PEG3: variants seen among roughly 807,000 people sequenced by gnomAD.
PEG3 encodes the protein paternally-expressed gene 3 protein.
PEG3 carries 23 observed loss-of-function variants against 35.5 expected under a neutral mutation model. The observed-to-expected ratio is 0.65, with a 90% CI of 0.47 to 0.92. PEG3 has a LOEUF of 0.92. Among genes scored for constraint, PEG3 ranks in the 40% least tolerant of loss-of-function variants. PEG3 has a pLI of 0.00. For missense variants in PEG3, 1,960 were observed against 1,985.3 expected (o/e 0.99, Z 0.24); for synonymous variants, 707 against 697.0 (o/e 1.01, Z -0.23).
At position 56,811,929 on chromosome 19, in the gene PEG3, C is replaced by T. The variant is rs2059566663; in HGVS notation, c.*1746G>A. The T allele has an allele frequency of 4.1e-6, 4 of 985,278 alleles. No homozygotes were observed. Among genetic ancestry groups the T allele is most frequent in the Non-Finnish European group, 4.8e-6 (4 of 829,824 alleles). The allele number at this position is 985,278 out of a possible 1,614,324, so 61.0% of individuals were successfully genotyped here. ...GATATATTAGGACTCCCTTCTTTGA[C>T]TCACTCATTTCTGCTTCTTGCTCTC... On this transcript the variant is annotated 3_prime_UTR_variant, in exon 10 of 10. Transcript: ENST00000326441.
Position 56,815,548 on chromosome 19 carries a change from C to T in PEG3, c.2894G>A (p.Arg965Gln), listed in dbSNP as rs765309826. 7.4e-6 allele frequency: 12 copies of T among 1,613,992 alleles called. No individual in the cohort carries two copies. Among genetic ancestry groups the T allele is most frequent in the African/African-American group, 1.3e-5 (1 of 75,012 alleles). ...LPFGEQTFRP[R>Q]GMLYECQECG... Reference sequence around the variant, plus strand: ...CTCCTGACATTCATAGAGCATCCCTCGAGGGCGAAATGTTTGTTCACCAAA... The same window carrying T: ...CTCCTGACATTCATAGAGCATCCCTTGAGGGCGAAATGTTTGTTCACCAAA... Residue 965 changes from arginine (R) to glutamine (Q), a missense_variant, in exon 10 of 10, where the codon CGA becomes CAA. By Grantham distance (43) the Arg-to-Gln change is conservative (BLOSUM62 1). This residue lies in a region of PEG3 where 798 missense variants were observed against 782.4 expected (regional missense o/e 1.02). Transcript: ENST00000326441.
At position 56,811,910 on chromosome 19, in the gene PEG3, TTAGGA is replaced by T; in HGVS notation, c.*1760_*1764del. On this transcript the variant is annotated 3_prime_UTR_variant, in exon 10 of 10. Transcript: ENST00000326441. ...CTCCCCTCCTAGATCTGGTGATATA[TTAGGA>T]CTCCCTTCTTTGACTCACTCATTTC... 2 of 985,224 alleles carry T rather than the reference TTAGGA, an allele frequency of 2.0e-6. No homozygotes were observed. The highest frequency in any genetic ancestry group is 2.4e-6 in the Non-Finnish European group (2 of 829,760). 61.0% of individuals were successfully genotyped at this position (985,224 alleles called of 1,614,324 possible).
rs200041700 is a variant in PEG3 at position 56,815,676 on chromosome 19, G to T, written c.2766C>A (p.Phe922Leu). The stretch of plus-strand genomic sequence containing the variant: ...CACGGACATTTGAGCTGGGAACAGA[G>T]AATTCGCCATCCTTCTTAAACTCAC... Reference protein sequence around the residue: ...GSGEFKKDGEFSVPSSNVREY... With the variant: ...GSGEFKKDGELSVPSSNVREY... Residue 922 changes from phenylalanine (F) to leucine (L), a missense_variant, in exon 10 of 10, where the codon TTC becomes TTA. By Grantham distance (22) the Phe-to-Leu change is conservative (BLOSUM62 0). Around this residue, in one of 5 missense-constraint regions of PEG3, gnomAD observed 798 missense variants for 782.4 expected, o/e 1.02. Transcript: ENST00000326441. 6.2e-7 allele frequency: 1 copy of T among 1,614,164 alleles called. No homozygotes were observed.
Position 56,817,545 on chromosome 19 carries a change from G to T in PEG3, c.897C>A (p.Thr299=). The change falls in exon 10 of 10, where the codon ACC becomes ACA. Residue 299 remains threonine, a synonymous_variant. Transcript: ENST00000326441. ...CATCTTCACAAATCCCCCGCCGGTG[G>T]GTTGATTTTTTGGCTTCAGGCATAG... ...LKTMPEAKKS[T]HRRGICEDES... The T allele has an allele frequency of 6.3e-7, 1 of 1,597,528 alleles. No individual in the cohort carries two copies.
At chr19:56,823,147 G>C (rs975214864) in intron 5 of PEG3, among the ~76,000 whole-genome samples, 3 of 152,126 alleles carry the variant, frequency 2.0e-5, no homozygotes, top group Non-Finnish European at 4.4e-5. Flanking sequence ...TCCACATTCA[G>C]GAGAATGGAC....
intron 3 of PEG3, among the ~76,000 whole-genome samples, chr19:56,825,608 A>G (rs2060947109): frequency 6.6e-6 from 1 of 152,108 alleles, no homozygotes; most frequent in African/African-American, 2.4e-5. Context: ...ATTTCCTTAA[A>G]GCATTTTTGC....
rs770287827 is a variant in PEG3, at chr19:56,814,816, C to T, written c.3626G>A (p.Arg1209Gln). The T allele has an allele frequency of 1.6e-5, 26 of 1,614,150 alleles. No homozygotes were observed. Among genetic ancestry groups the T allele is most frequent in the East Asian group, 2.2e-5 (1 of 44,872 alleles). Residue 1209 changes from arginine (R) to glutamine (Q), a missense_variant, in exon 10 of 10, where the codon CGG becomes CAG. Physicochemically the swap from Arg to Gln is conservative, Grantham distance 43 (BLOSUM62 1). Coordinates refer to ENST00000326441, the MANE Select transcript of PEG3 (RefSeq NM_006210.3). This position sits in a 1 kb window ranked among gnomAD's most constrained non-coding sequence, Gnocchi z 5.8. ...ATTCCTCTCTGCAGCACGATTCCTCCGTGGCTTCATGGGCAAGAGGGCAAT... is the reference window on the plus strand; with the variant it reads ...ATTCCTCTCTGCAGCACGATTCCTCTGTGGCTTCATGGGCAAGAGGGCAAT... ...GFIALLPMKPRRNRAAERNPA... is the reference protein window; with the variant it reads ...GFIALLPMKPQRNRAAERNPA...
chr19:56,818,595 C>T lies in PEG3; in HGVS notation c.772+5G>A. On this transcript the variant is annotated splice_donor_5th_base_variant and intron_variant, in intron 8 of 9. Coordinates refer to ENST00000326441, the MANE Select transcript of PEG3 (RefSeq NM_006210.3). Reference sequence around the variant, plus strand: ...TGGGAGTGACTGAGAGAAGCAGCTGCTTACCGAGGGAGAGCAGCTTCCTGT... The same window carrying T: ...TGGGAGTGACTGAGAGAAGCAGCTGTTTACCGAGGGAGAGCAGCTTCCTGT... 1.2e-6 allele frequency: 2 copies of T among 1,614,096 alleles called. No individual in the cohort carries two copies. The highest frequency in any genetic ancestry group is 2.2e-5 in the East Asian group (1 of 44,874).
At position 56,821,744 on chromosome 19, in the gene PEG3, C is replaced by A. The variant is rs550751491; in HGVS notation, c.576G>T (p.Pro192=). 1 of 1,613,910 alleles carries A rather than the reference C, an allele frequency of 6.2e-7. No homozygotes were observed. Among genetic ancestry groups the A allele is most frequent in the Non-Finnish European group, 8.5e-7 (1 of 1,180,020 alleles). ...HTRNPRSRMP[P]RDLSLPVVAK... ...CCACCACAGGAAGGGAAAGATCCCGCGGAGGCATCCCTGGGAAGAAAAAAG... is the reference window on the plus strand; with the variant it reads ...CCACCACAGGAAGGGAAAGATCCCGAGGAGGCATCCCTGGGAAGAAAAAAG... The change falls in exon 7 of 10, where the codon CCG becomes CCT. Residue 192 remains proline, a synonymous_variant. Transcript: ENST00000326441.
rs2060792824 is a variant in PEG3, at chr19:56,824,205, G to GGACACCTGAGGACA, written c.394+56_394+57insTGTCCTCAGGTGTC. The GGACACCTGAGGACA allele has an allele frequency of 2.4e-5, 37 of 1,573,476 alleles. No individual in the cohort carries two copies. The South Asian group carries it at 4.0e-4, about 17-fold the overall frequency. ...CATGTCAGAAGTGTGGAGGCTGAGAGCCCCAGGGGACACCTGAGGCCTGCA... is the reference window on the plus strand; with the variant it reads ...CATGTCAGAAGTGTGGAGGCTGAGAGGACACCTGAGGACACCCCAGGGGACACCTGAGGCCTGCA... On this transcript the variant is annotated intron_variant, in intron 4 of 9. Transcript: ENST00000326441.
At chr19:56,818,130 T>C (rs1419629514) in intron 8 of PEG3, among the ~76,000 whole-genome samples, 2 of 152,164 alleles carry the variant, frequency 1.3e-5, no homozygotes, top group African/African-American at 4.8e-5. Context: ...ACTTTTTAAG[T>C]CCTCTTTTCC....
intron 8 of PEG3, 94 bp downstream of exon 8, chr19:56,818,506 T>C: frequency 7.9e-7 from 1 of 1,270,470 alleles, no homozygotes; most frequent in Non-Finnish European, 1.1e-6. Context: ...CCAAATATAT[T>C]AATGTGGACT....
At chr19:56,824,825 A>T in intron 3 of PEG3, 84 bp from the exon 4 acceptor site, 2 of 628,340 alleles carry the variant, frequency 3.2e-6, no homozygotes, top group South Asian at 4.3e-5. Flanking sequence ...AGGCATCGAC[A>T]ATGCTTTTGG....
In PEG3 at chr19:56,816,175, G is replaced by C; in HGVS notation, c.2267C>G (p.Pro756Arg). The change falls in exon 10 of 10, where the codon CCC becomes CGC. Residue 756 changes from proline to arginine, a missense_variant. Around this residue, in one of 5 missense-constraint regions of PEG3, gnomAD observed 798 missense variants for 782.4 expected, o/e 1.02. Transcript: ENST00000326441. The part of the protein sequence containing the change: ...DEKAFTISSN[P>R]YENQKIPTKE... ...AGTGGGAATCTTCTGGTTTTCATAG[G>C]GGTTAGAGCTAATGGTGAACGCCTT... 7 of 1,613,974 alleles carry C rather than the reference G, an allele frequency of 4.3e-6. No homozygotes were observed. Among genetic ancestry groups the C allele is most frequent in the Non-Finnish European group, 4.2e-6 (5 of 1,179,910 alleles).
Position 56,816,323 on chromosome 19 carries a change from G to C in PEG3, c.2119C>G (p.His707Asp), listed in dbSNP as rs775898856. The C allele has an allele frequency of 1.2e-6, 2 of 1,614,132 alleles. No homozygotes were observed. The highest frequency in any genetic ancestry group is 1.7e-6 in the Non-Finnish European group (2 of 1,179,992). Residue 707 changes from histidine (H) to aspartate (D), a missense_variant, in exon 10 of 10, where the codon CAT (histidine) becomes GAT (aspartate). Around this residue, in one of 5 missense-constraint regions of PEG3, gnomAD observed 798 missense variants for 782.4 expected, o/e 1.02. Transcript: ENST00000326441. ...SSELSEHQKI[H>D]SRKNLFEGRG... ...CCTTCAAAGAGGTTCTTTCGAGAAT[G>C]AATTTTCTGATGCTCACTGAGCTCT...
chr19:56,813,357 G>A lies in PEG3; in HGVS notation c.*318C>T, dbSNP rs1246312087. On this transcript the variant is annotated 3_prime_UTR_variant, in exon 10 of 10. Transcript: ENST00000326441. Reference sequence around the variant, plus strand: ...GAAACACTATATATACGTTACACAAGTGTCATTTACAGTTGATTTGGGCAA... The same window carrying A: ...GAAACACTATATATACGTTACACAAATGTCATTTACAGTTGATTTGGGCAA... 9 of 1,124,822 alleles carry A rather than the reference G, an allele frequency of 8.0e-6. No homozygotes were observed. Among genetic ancestry groups the A allele is most frequent in the Non-Finnish European group, 9.8e-6 (9 of 913,924 alleles). The allele number at this position is 1,124,822 out of a possible 1,614,324, so 69.7% of individuals were successfully genotyped here.
intron 1 of PEG3, among the ~76,000 whole-genome samples, chr19:56,838,350 C>A (rs889862351): frequency 6.6e-6 from 1 of 152,192 alleles, no homozygotes; most frequent in Non-Finnish European, 1.5e-5. Flanking sequence ...GCGCAATCAA[C>A]CTCGGGCGCC....
At chr19:56,829,120 G>A (rs945848393) in intron 2 of PEG3, among the ~76,000 whole-genome samples, 5 of 152,122 alleles carry the variant, frequency 3.3e-5, no homozygotes, top group Non-Finnish European at 7.4e-5. Context: ...GGAGGCCGAG[G>A]CGGGTAGATT....
intron 1 of PEG3, among the ~76,000 whole-genome samples, chr19:56,838,994 C>G (rs2146734408): frequency 6.6e-6 from 1 of 152,286 alleles, no homozygotes; most frequent in South Asian, 2.1e-4. Context: ...GCATCTGCCG[C>G]CAACCAATCC....
Sources: allele counts gnomAD v4.1 joint callset (sites outside exome capture counted in the v4.1 genomes callset), GRCh38; gene constraint gnomAD v4.1.1; regional missense constraint gnomAD v4.1.1; non-coding constraint Gnocchi (gnomAD v3.1); transcripts MANE v1.5; gene names NCBI Gene and HGNC (gene_info 2026-07-23, HGNC 2026-07-21).